STK32B: variants seen among roughly 807,000 people sequenced by gnomAD.
The protein encoded by STK32B is serine/threonine-protein kinase 32B.
STK32B carries 43 observed loss-of-function variants against 52.6 expected under a neutral mutation model. That is an observed-to-expected ratio of 0.82 (90% confidence interval 0.64 to 1.05). The LOEUF (loss-of-function observed/expected upper bound fraction) is 1.05. STK32B is among the 50% of genes least tolerant of loss of function. STK32B has a pLI of 0.00. For synonymous variants in STK32B, 238 were observed against 204.3 expected (o/e 1.17, Z -1.41); for missense variants, 621 against 534.6 (o/e 1.16, Z -1.59).
intron 4 of STK32B, among the ~76,000 whole-genome samples, chr4:5,389,233 C>T (rs1054883045): frequency 1.3e-5 from 2 of 152,228 alleles, no homozygotes; most frequent in East Asian, 1.9e-4. Flanking sequence ...TCCATGATGA[C>T]TCCTCTCACC....
chr4:5,493,608 T>A (rs552099791), intron 11 of STK32B, among the ~76,000 whole-genome samples: 1 of 152,204 alleles, frequency 6.6e-6, no homozygotes, highest in Non-Finnish European at 1.5e-5. Flanking sequence ...AGTTATTTCT[T>A]GCCTTCTGCT....
chr4:5,453,472 T>G lies in STK32B; in HGVS notation c.667-3335T>G, dbSNP rs988409993. Among the ~76,000 whole-genome samples the G allele has an allele frequency of 6.6e-6, 1 of 152,200 alleles. No individual in the cohort carries two copies. The highest frequency in any genetic ancestry group is 2.4e-5 in the African/African-American group (1 of 41,454). ...CTCTTTTCATCTCCCAGCCTCAGTT[T>G]CCTGACGTTTGAAATGAGGGATGAA... On this transcript the variant is annotated intron_variant, in intron 7 of 11. Transcript: ENST00000282908. This position sits in a 1 kb window ranked among gnomAD's most constrained non-coding sequence, Gnocchi z 4.0.
At position 5,372,856 on chromosome 4, in the gene STK32B, C is replaced by T. The variant is rs1735341832; in HGVS notation, c.435-25351C>T. 3.3e-5 allele frequency among the ~76,000 whole-genome samples: 5 copies of T among 152,104 alleles called. No homozygotes were observed. The South Asian group carries it at 1.0e-3, about 32-fold the overall frequency. Reference sequence around the variant, plus strand: ...GGAGCATGAAAGCCTAGTTTTCTGCCATGAGCCCAATAAAGTTTATGATTG... The same window carrying T: ...GGAGCATGAAAGCCTAGTTTTCTGCTATGAGCCCAATAAAGTTTATGATTG... On this transcript the variant is annotated intron_variant, in intron 4 of 11. Coordinates refer to ENST00000282908, the MANE Select transcript of STK32B (RefSeq NM_018401.3).
At chr4:5,358,031 C>G (rs1005432750) in intron 4 of STK32B, among the ~76,000 whole-genome samples, 1 of 152,164 alleles carries the variant, frequency 6.6e-6, no homozygotes. Context: ...ACAACTTAGT[C>G]ATTTCTGGGC....
At chr4:5,440,564 T>A (rs1454798340) in intron 6 of STK32B, among the ~76,000 whole-genome samples, 2 of 152,158 alleles carry the variant, frequency 1.3e-5, no homozygotes, top group East Asian at 1.9e-4. Flanking sequence ...AGACAATTTG[T>A]CTTTCTCTTT....
chr4:5,279,710 C>A (rs776027699), intron 3 of STK32B, among the ~76,000 whole-genome samples: 28 of 152,200 alleles, frequency 1.8e-4, no homozygotes, highest in Non-Finnish European at 2.8e-4. Context: ...TGTTGCCATA[C>A]ATCCTCTGAC....
chr4:5,138,203 C>T (rs144469214), intron 1 of STK32B, among the ~76,000 whole-genome samples: 68 of 152,264 alleles, frequency 4.5e-4, no homozygotes, highest in African/African-American at 1.5e-3. Context: ...CCATTAACTC[C>T]GTCTCTCTAT....
At chr4:5,338,160 G>A (rs961122057) in intron 4 of STK32B, among the ~76,000 whole-genome samples, 1 of 152,208 alleles carries the variant, frequency 6.6e-6, no homozygotes, top group East Asian at 1.9e-4. Flanking sequence ...GATAGGGATT[G>A]TTGTATTGTA....
At chr4:5,192,361 C>T (rs560074502) in intron 3 of STK32B, among the ~76,000 whole-genome samples, 73 of 152,234 alleles carry the variant, frequency 4.8e-4, no homozygotes, top group African/African-American at 1.6e-3. Flanking sequence ...AAGACTTTTC[C>T]ACCCCAAAGT....
intron 6 of STK32B, among the ~76,000 whole-genome samples, chr4:5,443,736 C>G (rs866793431): frequency 2.0e-5 from 3 of 152,020 alleles, no homozygotes; most frequent in East Asian, 1.9e-4. Context: ...GTGGTTTTAT[C>G]TACTTTTGGT....
At chr4:5,464,957 G>T (rs987007766) in intron 9 of STK32B, among the ~76,000 whole-genome samples, 2 of 152,170 alleles carry the variant, frequency 1.3e-5, no homozygotes, top group Non-Finnish European at 2.9e-5. Flanking sequence ...GCAACTTCTG[G>T]AGGACAGATG....
chr4:5,270,917 A>C (rs528162313), intron 3 of STK32B, among the ~76,000 whole-genome samples: 5 of 152,254 alleles, frequency 3.3e-5, no homozygotes, highest in Non-Finnish European at 5.9e-5. Flanking sequence ...AAAATCAAAA[A>C]CTGAATTTTC....
chr4:5,291,808 G>T (rs891301284), intron 3 of STK32B, among the ~76,000 whole-genome samples: 1 of 151,910 alleles, frequency 6.6e-6, no homozygotes, highest in African/African-American at 2.4e-5. Context: ...TTGTTTGTTT[G>T]TTTTTTCATA....
intron 4 of STK32B, among the ~76,000 whole-genome samples, chr4:5,363,839 A>T (rs1734698206): frequency 6.6e-6 from 1 of 152,186 alleles, no homozygotes. Context: ...CCATAGAAGA[A>T]TCCAATTTTC....
upstream of STK32B, among the ~76,000 whole-genome samples, chr4:5,048,296 ATT>A (rs934389483): frequency 1.3e-4 from 15 of 111,838 alleles, no homozygotes; most frequent in Admixed American, 9.5e-5. Context: ...TGCCTGGCTA[ATT>A]TTTTTTTTTT....
chr4:5,167,351 T>C (rs573308156), intron 2 of STK32B, among the ~76,000 whole-genome samples: 2 of 152,208 alleles, frequency 1.3e-5, no homozygotes, highest in African/African-American at 4.8e-5. Context: ...AAGGTTCTTA[T>C]AGGGATTCAG....
intron 3 of STK32B, among the ~76,000 whole-genome samples, chr4:5,249,775 C>G (rs1384440261): frequency 6.6e-6 from 1 of 151,938 alleles, no homozygotes; most frequent in Non-Finnish European, 1.5e-5. Context: ...TTTTGTTTTT[C>G]TTTTAGTTTC....
the STK32B span, among the ~76,000 whole-genome samples, chr4:5,041,021 T>C: frequency 1.3e-5 from 2 of 152,212 alleles, no homozygotes; most frequent in Admixed American, 1.3e-4. Flanking sequence ...GACATCGTTA[T>C]GTGTCATGTG....
chr4:5,444,911 CAA>C (rs1329566994), intron 6 of STK32B, among the ~76,000 whole-genome samples: 2 of 152,114 alleles, frequency 1.3e-5, no homozygotes, highest in African/African-American at 4.8e-5. Flanking sequence ...TTGTAAGGAC[CAA>C]ATAATCTAAG....
Sources: allele counts gnomAD v4.1 joint callset (sites outside exome capture counted in the v4.1 genomes callset), GRCh38; gene constraint gnomAD v4.1.1; non-coding constraint Gnocchi (gnomAD v3.1); transcripts MANE v1.5; gene names NCBI Gene and HGNC (gene_info 2026-07-23, HGNC 2026-07-21).